LRP2: variants seen among roughly 807,000 people sequenced by gnomAD.
The protein encoded by LRP2 is low-density lipoprotein receptor-related protein 2.
Under a neutral mutation model 531.0 loss-of-function variants are expected in LRP2, and 172 were observed. The observed-to-expected ratio is 0.32, with a 90% confidence interval of 0.29 to 0.37. The LOEUF (loss-of-function observed/expected upper bound fraction) is 0.37. Ranked by LOEUF, LRP2 falls within the 10% of genes least tolerant of loss-of-function variation. The pLI is 1.00. For synonymous variants in LRP2, 1,992 were observed against 2,027.6 expected (o/e 0.98, Z 0.47); for missense variants, 5,167 against 5,868.3 (o/e 0.88, Z 3.90).
intron 1 of LRP2, among the ~76,000 whole-genome samples, chr2:169,360,838 T>C (rs1044010827): frequency 1.4e-4 from 21 of 152,152 alleles, no homozygotes; most frequent in Non-Finnish European, 2.8e-4. Context: ...CTGAAATGGG[T>C]GCTGCTAGGA....
intron 1 of LRP2, 84 bp downstream of exon 1, chr2:169,362,237 T>C: frequency 8.2e-7 from 1 of 1,221,084 alleles, no homozygotes; most frequent in Non-Finnish European, 1.1e-6. Context: ...GCCCGGACGC[T>C]CTCCCCTCCG....
intron 19 of LRP2, among the ~76,000 whole-genome samples, 198 bp downstream of exon 19, chr2:169,255,907 AC>A (rs1690286864): frequency 6.6e-6 from 1 of 152,166 alleles, no homozygotes. Context: ...TATATACAAA[AC>A]AAAAATCACA....
chr2:169,286,392 C>T (rs1683859611), intron 9 of LRP2, among the ~76,000 whole-genome samples: 2 of 152,240 alleles, frequency 1.3e-5, no homozygotes, highest in South Asian at 4.1e-4. Context: ...TATTAGAACA[C>T]ACTACTTCCA....
chr2:169,232,994 G>A (rs72876271), intron 30 of LRP2, among the ~76,000 whole-genome samples: 3,964 of 152,264 alleles, frequency 0.026, 65 homozygotes, highest in Admixed American at 0.043. Context: ...AGGACAACTC[G>A]TGCTGGCTAC....
At chr2:169,337,045 A>G (rs1431812007) in intron 1 of LRP2, among the ~76,000 whole-genome samples, 1 of 152,112 alleles carries the variant, frequency 6.6e-6, no homozygotes, top group Non-Finnish European at 1.5e-5. Context: ...CCTCCGCCTG[A>G]CTTCCCCCAC....
chr2:169,188,990 T>C (rs1574112414), intron 48 of LRP2, among the ~76,000 whole-genome samples: 2 of 152,196 alleles, frequency 1.3e-5, no homozygotes, highest in African/African-American at 4.8e-5. Context: ...AGGCATGCTG[T>C]AGTACTAGAA....
At chr2:169,247,617 G>A (rs1690062889) in intron 19 of LRP2, 102 bp from the exon 20 acceptor site, 6 of 1,202,192 alleles carry the variant, frequency 5.0e-6, no homozygotes, top group East Asian at 4.7e-5. Flanking sequence ...TTGCAAGTAC[G>A]ATCATCTCCC....
intron 54 of LRP2, among the ~76,000 whole-genome samples, chr2:169,176,100 A>G (rs1442295838): frequency 6.6e-6 from 1 of 152,200 alleles, no homozygotes; most frequent in Admixed American, 6.5e-5. Flanking sequence ...TCTAGGGACA[A>G]TTTTTCAGTA....
At chr2:169,330,118 T>C (rs1241322328) in intron 1 of LRP2, among the ~76,000 whole-genome samples, 1 of 151,906 alleles carries the variant, frequency 6.6e-6, no homozygotes, top group Non-Finnish European at 1.5e-5. Flanking sequence ...CATGGAAAAA[T>C]TGTCTTCCAC....
At chr2:169,313,226 C>T (rs909231462) in intron 3 of LRP2, among the ~76,000 whole-genome samples, 1 of 152,186 alleles carries the variant, frequency 6.6e-6, no homozygotes, top group Non-Finnish European at 1.5e-5. Context: ...AAGTCACTCT[C>T]CATCCAGCTT....
At position 169,138,698 on chromosome 2, in the gene LRP2, C is replaced by T. The variant is rs1338462671; in HGVS notation, c.13397G>A (p.Ser4466Asn). The change falls in exon 75 of 79, where the codon AGT becomes AAT. Residue 4466 changes from serine (S) to asparagine (N), a missense_variant. Around this residue, in one of 6 missense-constraint regions of LRP2, gnomAD observed 348 missense variants for 369.3 expected, o/e 0.94. Transcript: ENST00000649046. Reference protein sequence around the residue: ...PALPKLPSLSSLVKPSENGNG... With the variant: ...PALPKLPSLSNLVKPSENGNG... The stretch of plus-strand genomic sequence containing the variant: ...CCCATTTTCAGAGGGCTTGACGAGA[C>T]TGCTTAAGCTGGAAAGAAGTAACCA... 6.2e-7 allele frequency: 1 copy of T among 1,613,982 alleles called. No homozygotes were observed. The highest frequency in any genetic ancestry group is 8.5e-7 in the Non-Finnish European group (1 of 1,179,900).
chr2:169,219,993 T>C (rs900553838), intron 34 of LRP2, among the ~76,000 whole-genome samples: 4 of 152,104 alleles, frequency 2.6e-5, no homozygotes, highest in Non-Finnish European at 5.9e-5. Context: ...CCCACAATCC[T>C]GCTAAGTGCC....
chr2:169,317,599 C>T (rs1448595525), intron 3 of LRP2, among the ~76,000 whole-genome samples: 1 of 152,140 alleles, frequency 6.6e-6, no homozygotes, highest in African/African-American at 2.4e-5. Flanking sequence ...AATAAATCCC[C>T]TTTTTGTTTA....
intron 16 of LRP2, among the ~76,000 whole-genome samples, chr2:169,260,121 A>G (rs830983): frequency 0.59 from 89,279 of 151,944 alleles, 26,483 homozygotes; most frequent in Non-Finnish European, 0.61. Context: ...TACAGATGAG[A>G]GAACCAAGTC....
intron 39 of LRP2, 71 bp from the exon 40 acceptor site, chr2:169,206,259 A>G: frequency 4.3e-6 from 7 of 1,611,706 alleles, no homozygotes; most frequent in Non-Finnish European, 5.9e-6. Context: ...CATTAGAAAC[A>G]CTCAGTCATC....
chr2:169,133,817 T>C (rs562030402), intron 76 of LRP2, among the ~76,000 whole-genome samples: 53 of 152,316 alleles, frequency 3.5e-4, no homozygotes, highest in Non-Finnish European at 6.6e-4. Context: ...ACTATTCCTT[T>C]GCACCCGTCA....
chr2:169,154,469 T>C lies in LRP2; in HGVS notation c.12286A>G (p.Ile4096Val), dbSNP rs777671589. 4.3e-6 allele frequency: 7 copies of C among 1,612,416 alleles called. No individual in the cohort carries two copies. The Admixed American group carries it at 8.3e-5, about 19-fold the overall frequency. The change falls in exon 66 of 79, where the codon ATA (isoleucine) becomes GTA (valine). Residue 4096 changes from isoleucine (I) to valine (V), a missense_variant. Physicochemically the swap from Ile to Val is conservative, Grantham distance 29. This residue lies in a region of LRP2 where 564 missense variants were observed against 747.7 expected (regional missense o/e 0.75). Transcript: ENST00000649046. ...CAAAGTTTATACTCACTGAGGCCTATGTCCTTGGGATCCCAATCATAATCA... is the reference window on the plus strand; with the variant it reads ...CAAAGTTTATACTCACTGAGGCCTACGTCCTTGGGATCCCAATCATAATCA... ...AVDYDWDPKD[I>V]GLSVVYYTVR...
At chr2:169,129,417 G>A (rs1032400265) in intron 77 of LRP2, among the ~76,000 whole-genome samples, 1 of 152,212 alleles carries the variant, frequency 6.6e-6, no homozygotes, top group African/African-American at 2.4e-5. Context: ...TGCACAAGAT[G>A]CATCTGGAGA....
intron 3 of LRP2, among the ~76,000 whole-genome samples, chr2:169,315,123 T>C (rs192253719): frequency 2.2e-4 from 33 of 152,330 alleles, no homozygotes; most frequent in African/African-American, 7.7e-4. Flanking sequence ...ATTAAAATTA[T>C]ATAATTCCAT....
Sources: gnomAD v4.1 joint callset for allele counts (sites outside exome capture counted in the v4.1 genomes callset) on GRCh38, gnomAD v4.1.1 for gene constraint, gnomAD v4.1.1 regional missense constraint, MANE v1.5 for transcripts, NCBI Gene and HGNC (gene_info 2026-07-23, HGNC 2026-07-21) for gene names.